The following NTM variants were observed in gnomAD, a reference collection of about 807,000 sequenced individuals.
The protein encoded by NTM is neurotrimin, also known as IgLON family member 2.
Under a neutral mutation model 42.1 loss-of-function variants are expected in NTM, and 13 were observed. That is an observed-to-expected ratio of 0.31 (90% CI 0.20 to 0.49). The LOEUF is 0.49. Among genes scored for constraint, NTM ranks in the 20% least tolerant of loss-of-function variants. The pLI is 0.99. For missense variants in NTM, 373 were observed against 452.8 expected, an observed-to-expected ratio of 0.82 and a Z score of 1.60; for synonymous variants, 187 against 179.2, an observed-to-expected ratio of 1.04 and a Z score of -0.35.
At chr11:131,797,915 C>T (rs1442061364) in intron 1 of NTM, among the ~76,000 whole-genome samples, 1 of 152,036 alleles carries the variant, frequency 6.6e-6, no homozygotes, top group Admixed American at 6.6e-5. Flanking sequence ...CAATTGTGCA[C>T]AAGTAGCAGC....
At chr11:132,226,443 C>G (rs1163298186) in intron 4 of NTM, among the ~76,000 whole-genome samples, 2 of 152,122 alleles carry the variant, frequency 1.3e-5, no homozygotes, top group African/African-American at 2.4e-5. Flanking sequence ...TTTTGATTTG[C>G]ATTTCTGTAA....
At chr11:131,837,557 G>A (rs1490791015) in intron 1 of NTM, among the ~76,000 whole-genome samples, 2 of 152,156 alleles carry the variant, frequency 1.3e-5, no homozygotes, top group Admixed American at 6.5e-5. Context: ...GTTTTTCTAA[G>A]ATGAAACAGA....
intron 2 of NTM, among the ~76,000 whole-genome samples, chr11:131,975,379 C>T (rs535534366): frequency 1.3e-5 from 2 of 152,208 alleles, no homozygotes; most frequent in African/African-American, 4.8e-5. Flanking sequence ...AGGGTTTCAC[C>T]ATGTTGGCCA....
chr11:131,874,156 C>T (rs965350543), intron 1 of NTM, among the ~76,000 whole-genome samples: 1 of 148,494 alleles, frequency 6.7e-6, no homozygotes, highest in Non-Finnish European at 1.5e-5. Context: ...CTCACCTGGG[C>T]TCCCACAGTT....
chr11:131,799,816 G>A (rs187347431), intron 1 of NTM, among the ~76,000 whole-genome samples: 1 of 152,322 alleles, frequency 6.6e-6, no homozygotes, highest in Admixed American at 6.5e-5. Context: ...CTAGTGGCCT[G>A]CAGTTAACTA....
intron 1 of NTM, among the ~76,000 whole-genome samples, chr11:131,530,868 G>A (rs1400331988): frequency 6.6e-6 from 1 of 152,198 alleles, no homozygotes; most frequent in Non-Finnish European, 1.5e-5. Flanking sequence ...AAAAAATACG[G>A]AGGCAATTAA....
chr11:131,511,323 C>A (rs1591884563), intron 1 of NTM, among the ~76,000 whole-genome samples: 1 of 152,312 alleles, frequency 6.6e-6, no homozygotes, highest in East Asian at 1.9e-4. Flanking sequence ...GGCTGGGACA[C>A]CAGCCAGTGG....
intron 1 of NTM, among the ~76,000 whole-genome samples, chr11:131,414,533 G>A (rs1310983151): frequency 6.6e-6 from 1 of 152,162 alleles, no homozygotes; most frequent in Non-Finnish European, 1.5e-5. Flanking sequence ...AAGTTCAGGA[G>A]CATTCGGGAG....
chr11:132,068,871 G>A (rs759430763), intron 2 of NTM, among the ~76,000 whole-genome samples: 19 of 152,166 alleles, frequency 1.2e-4, no homozygotes, highest in Non-Finnish European at 1.8e-4. Flanking sequence ...CTGCCTGTAG[G>A]GCCTTTCAGC....
At chr11:131,892,055 A>C (rs1355525870) in intron 1 of NTM, among the ~76,000 whole-genome samples, 1 of 152,122 alleles carries the variant, frequency 6.6e-6, no homozygotes, top group African/African-American at 2.4e-5. Flanking sequence ...TAGACGACTA[A>C]ATTTGAAACC....
intron 2 of NTM, among the ~76,000 whole-genome samples, chr11:132,123,568 GT>G (rs1566223790): frequency 1.3e-5 from 2 of 152,180 alleles, no homozygotes; most frequent in African/African-American, 4.8e-5. Context: ...TGGCCGTTCT[GT>G]TTTCGGCGAG....
At chr11:132,241,450 C>T (rs905956521) in intron 4 of NTM, among the ~76,000 whole-genome samples, 1 of 152,176 alleles carries the variant, frequency 6.6e-6, no homozygotes, top group African/African-American at 2.4e-5. Flanking sequence ...ATTTAGTCCT[C>T]ATCCCCCCCA....
rs200310176 is a variant in NTM at position 131,914,553 on chromosome 11, C to G, written c.167+2905C>G. Among the ~76,000 whole-genome samples the G allele has an allele frequency of 6.6e-5, 10 of 152,266 alleles. No individual in the cohort carries two copies. In the East Asian group the frequency reaches 1.3e-3, roughly 21 times the overall value. ...TCATATTTTGAGGATCTTTTGCAGTCCCTAAAGAATAAATGCTCAGCAGAA... is the reference window on the plus strand; with the variant it reads ...TCATATTTTGAGGATCTTTTGCAGTGCCTAAAGAATAAATGCTCAGCAGAA... On this transcript the variant is annotated intron_variant, in intron 2 of 8. Coordinates refer to ENST00000683400, the MANE Select transcript of NTM (RefSeq NM_001352005.2).
intron 1 of NTM, among the ~76,000 whole-genome samples, chr11:131,507,489 G>A (rs554226218): frequency 1.1e-4 from 17 of 152,238 alleles, no homozygotes; most frequent in East Asian, 3.9e-4. Flanking sequence ...GTCAGGTAGC[G>A]TGATGCCGCC....
At chr11:131,709,196 G>A (rs1019163862) in intron 1 of NTM, among the ~76,000 whole-genome samples, 2 of 152,024 alleles carry the variant, frequency 1.3e-5, no homozygotes, top group Non-Finnish European at 2.9e-5. Context: ...GGGAAGAGAG[G>A]TAACTACCTA....
chr11:132,086,760 C>A (rs1359970567), intron 2 of NTM, among the ~76,000 whole-genome samples: 1 of 152,152 alleles, frequency 6.6e-6, no homozygotes, highest in Non-Finnish European at 1.5e-5. Context: ...GGCCAAAAGT[C>A]CAACAGGTAA....
chr11:132,274,826 C>T (rs975577588), intron 4 of NTM, among the ~76,000 whole-genome samples: 10 of 151,976 alleles, frequency 6.6e-5, no homozygotes, highest in African/African-American at 1.9e-4. Flanking sequence ...GAGTGTTCAG[C>T]GCTGTTTCAT....
At chr11:131,933,919 A>G (rs1345709313) in intron 2 of NTM, among the ~76,000 whole-genome samples, 1 of 143,738 alleles carries the variant, frequency 7.0e-6, no homozygotes, top group Non-Finnish European at 1.5e-5. Context: ...CCTACATATT[A>G]CCTCCTTTAA....
chr11:132,163,023 C>G (rs925894565), intron 3 of NTM, among the ~76,000 whole-genome samples: 2 of 152,140 alleles, frequency 1.3e-5, no homozygotes, highest in Non-Finnish European at 2.9e-5. Context: ...AGAGAAGGAT[C>G]GGTTGTGAAA....
Sources: allele counts gnomAD v4.1 joint callset (sites outside exome capture counted in the v4.1 genomes callset), GRCh38; gene constraint gnomAD v4.1.1; transcripts MANE v1.5; gene names NCBI Gene and HGNC (gene_info 2026-07-23, HGNC 2026-07-21).